The following ANKRD6 variants were observed in gnomAD, a reference collection of about 807,000 sequenced individuals.
ANKRD6 encodes the protein ankyrin repeat domain-containing protein 6.
ANKRD6 carries 56 observed loss-of-function variants against 82.3 expected under a neutral mutation model. That is an observed-to-expected ratio of 0.68 (90% confidence interval 0.55 to 0.85). ANKRD6 has a LOEUF of 0.85. Ranked by LOEUF, ANKRD6 falls within the 40% of genes least tolerant of loss-of-function variation. The pLI is 0.00. For missense variants in ANKRD6, 852 were observed against 907.6 expected (o/e 0.94, Z 0.79); for synonymous variants, 347 against 352.1 (o/e 0.99, Z 0.16).
chr6:89,582,762 C>T (rs183544841), intron 2 of ANKRD6, among the ~76,000 whole-genome samples: 32 of 150,806 alleles, frequency 2.1e-4, no homozygotes, highest in Admixed American at 4.7e-4. Context: ...ACCATCTTTT[C>T]GACCCTGCCC....
chr6:89,598,060 T>G (rs1461188450), intron 3 of ANKRD6: 1 of 968,172 alleles, frequency 1.0e-6, no homozygotes, highest in Non-Finnish European at 1.2e-6. Context: ...GTTAATGATA[T>G]GAAGAATTTA....
chr6:89,435,731 G>A (rs1770562321), intron 1 of ANKRD6, among the ~76,000 whole-genome samples: 1 of 152,218 alleles, frequency 6.6e-6, no homozygotes, highest in Non-Finnish European at 1.5e-5. Flanking sequence ...TCCCTAAGAA[G>A]TGGGAAAACA....
intron 1 of ANKRD6, among the ~76,000 whole-genome samples, chr6:89,545,904 ACAT>A (rs1785025232): frequency 6.6e-6 from 1 of 152,180 alleles, no homozygotes; most frequent in South Asian, 2.1e-4. Context: ...TCTCGGGTTC[ACAT>A]CATTCTCCTG....
At chr6:89,582,872 T>A (rs1326500941) in intron 2 of ANKRD6, among the ~76,000 whole-genome samples, 1 of 152,232 alleles carries the variant, frequency 6.6e-6, no homozygotes, top group East Asian at 1.9e-4. Flanking sequence ...AGGTAATCCA[T>A]GCAAAGTGCT....
Position 89,458,976 on chromosome 6 carries a change from C to T in ANKRD6, c.-144+25601C>T, listed in dbSNP as rs1034615858. 3.3e-5 allele frequency among the ~76,000 whole-genome samples: 5 copies of T among 152,326 alleles called. No individual in the cohort carries two copies. The East Asian group carries it at 7.7e-4, about 23-fold the overall frequency. The stretch of plus-strand genomic sequence containing the variant: ...TTTGACATGCAAAAGGGGTGACAGA[C>T]AACCTTGGGCAGTGTGGAGGGGTGT... On this transcript the variant is annotated intron_variant, in intron 1 of 15. Coordinates refer to ENST00000339746, the MANE Select transcript of ANKRD6 (RefSeq NM_001242809.2).
intron 1 of ANKRD6, among the ~76,000 whole-genome samples, chr6:89,488,092 T>C (rs1347539114): frequency 1.3e-5 from 2 of 152,180 alleles, no homozygotes; most frequent in Non-Finnish European, 2.9e-5. Context: ...TGCCTGGTGG[T>C]GACTCAATTC....
chr6:89,484,059 C>T (rs569536022), intron 1 of ANKRD6, among the ~76,000 whole-genome samples: 3 of 152,258 alleles, frequency 2.0e-5, no homozygotes, highest in African/African-American at 7.2e-5. Context: ...GTGTGCCCAC[C>T]ACCATGCCCT....
At chr6:89,590,199 T>G (rs1275026893) in intron 2 of ANKRD6, among the ~76,000 whole-genome samples, 1 of 152,188 alleles carries the variant, frequency 6.6e-6, no homozygotes, top group African/African-American at 2.4e-5. Flanking sequence ...TTTTAGGTGT[T>G]TTATATTGAT....
At chr6:89,560,261 A>G (rs1421619438) in intron 1 of ANKRD6, among the ~76,000 whole-genome samples, 2 of 152,146 alleles carry the variant, frequency 1.3e-5, no homozygotes, top group African/African-American at 4.8e-5. Flanking sequence ...TCCCAGATCA[A>G]AGTCCAGCAG....
At chr6:89,566,460 C>T (rs1004909253) in intron 1 of ANKRD6, among the ~76,000 whole-genome samples, 3 of 152,162 alleles carry the variant, frequency 2.0e-5, no homozygotes, top group Non-Finnish European at 2.9e-5. Flanking sequence ...AACCAGGGGG[C>T]CTTTGATGAT....
Position 89,603,126 on chromosome 6 carries a change from A to G in ANKRD6, c.317A>G (p.Lys106Arg). 1 of 1,599,070 alleles carries G rather than the reference A, an allele frequency of 6.3e-7. No homozygotes were observed. Among genetic ancestry groups the G allele is most frequent in the Non-Finnish European group, 8.5e-7 (1 of 1,173,316 alleles). ...GGGTGTGCCCTGGACAGACAAGACA[A>G]GGTGAGTGGACACTGAGCTTCCTTA... Reference protein sequence around the residue: ...HEGCALDRQDKDGNTALHEAS... With the variant: ...HEGCALDRQDRDGNTALHEAS... The change falls in exon 4 of 16, where the codon AAG becomes AGG. Residue 106 changes from lysine to arginine, a missense_variant and splice_region_variant. Coordinates refer to ENST00000339746, the MANE Select transcript of ANKRD6 (RefSeq NM_001242809.2).
At chr6:89,595,021 A>C (rs571830226) in intron 2 of ANKRD6, among the ~76,000 whole-genome samples, 75 of 152,316 alleles carry the variant, frequency 4.9e-4, no homozygotes, top group Non-Finnish European at 9.8e-4. Flanking sequence ...CAAAATGCTG[A>C]GATTACAAGT....
chr6:89,574,016 C>T (rs1790532152), intron 2 of ANKRD6, among the ~76,000 whole-genome samples: 1 of 152,162 alleles, frequency 6.6e-6, no homozygotes, highest in African/African-American at 2.4e-5. Flanking sequence ...TCAGAACTCC[C>T]CACCACATCA....
intron 9 of ANKRD6, among the ~76,000 whole-genome samples, chr6:89,620,617 A>G (rs1470066443): frequency 6.6e-6 from 1 of 152,118 alleles, no homozygotes; most frequent in African/African-American, 2.4e-5. Context: ...CAACTCAAAG[A>G]TCTGTATTCT....
At chr6:89,587,228 C>T (rs929254849) in intron 2 of ANKRD6, among the ~76,000 whole-genome samples, 3 of 150,366 alleles carry the variant, frequency 2.0e-5, no homozygotes, top group African/African-American at 7.3e-5. Flanking sequence ...CAGTGCCTCA[C>T]GCCTGTAATC....
chr6:89,632,705 C>A lies in ANKRD6; in HGVS notation c.*1701C>A, dbSNP rs979733889. 1 of 152,162 alleles carries A rather than the reference C, an allele frequency of 6.6e-6. No homozygotes were observed. The highest frequency in any genetic ancestry group is 3.2e-3 in the Middle Eastern group (1 of 316). The allele number at this position is 152,162 out of a possible 1,614,324, so 9.4% of individuals were successfully genotyped here. A position where few individuals can be genotyped will look rare whatever the true frequency, so the allele number is the denominator to read the frequency against. On this transcript the variant is annotated 3_prime_UTR_variant, in exon 16 of 16. Coordinates refer to ENST00000339746, the MANE Select transcript of ANKRD6 (RefSeq NM_001242809.2). ...AACTACTACGCAGGTAGACAGTCTT[C>A]CCCCAGAGACTCATTAGATTGCAAT... is the stretch of plus-strand genomic sequence containing the variant.
chr6:89,528,155 T>C (rs1782735663), intron 1 of ANKRD6, among the ~76,000 whole-genome samples: 1 of 152,232 alleles, frequency 6.6e-6, no homozygotes, highest in African/African-American at 2.4e-5. Context: ...GCCAGATTGA[T>C]TGACTCTTCT....
chr6:89,439,321 G>A (rs1311835384), intron 1 of ANKRD6, among the ~76,000 whole-genome samples: 1 of 152,030 alleles, frequency 6.6e-6, no homozygotes, highest in Non-Finnish European at 1.5e-5. Flanking sequence ...AATAGGCTAG[G>A]TATGAAACTT....
chr6:89,595,255 C>T (rs946071939), intron 2 of ANKRD6, among the ~76,000 whole-genome samples: 3 of 152,052 alleles, frequency 2.0e-5, no homozygotes, highest in African/African-American at 4.8e-5. Flanking sequence ...TCCAGCTACT[C>T]GGGAGGCTGA....
Sources: allele counts gnomAD v4.1 joint callset (sites outside exome capture counted in the v4.1 genomes callset), GRCh38; gene constraint gnomAD v4.1.1; transcripts MANE v1.5; gene names NCBI Gene and HGNC (gene_info 2026-07-23, HGNC 2026-07-21).